The following MTR variants were observed in gnomAD, a reference collection of about 807,000 sequenced individuals.
MTR encodes the protein methionine synthase.
A neutral mutation model predicts 154.8 loss-of-function variants in MTR; 84 were observed. The observed-to-expected ratio is 0.54, with a 90% CI of 0.45 to 0.65. The LOEUF (loss-of-function observed/expected upper bound fraction) is 0.65, where lower values mean the gene tolerates loss of function less well. Among genes scored for constraint, MTR ranks in the 30% least tolerant of loss-of-function variants. The pLI, the probability that MTR is intolerant of heterozygous loss-of-function variation, is 0.00. For synonymous variants in MTR, 554 were observed against 553.9 expected (o/e 1.00, Z 0.00); for missense variants, 1,275 against 1,570.2 (o/e 0.81, Z 3.18).
chr1:236,803,677 C>G, intron 2 of MTR, 35 bp downstream of exon 2: 1 of 1,588,310 alleles, frequency 6.3e-7, no homozygotes, highest in Non-Finnish European at 8.6e-7. Context: ...TGTATTCATT[C>G]TGTTATTCTG....
At chr1:236,889,139 G>A (rs1375434165) in intron 27 of MTR, 42 bp from the exon 28 acceptor site, 1 of 1,612,820 alleles carries the variant, frequency 6.2e-7, no homozygotes. Flanking sequence ...CATCAGGCAG[G>A]GTGCCAGCGT....
chr1:236,815,866 A>G (rs1215778510), intron 7 of MTR, among the ~76,000 whole-genome samples: 4 of 152,168 alleles, frequency 2.6e-5, no homozygotes, highest in African/African-American at 9.7e-5. Flanking sequence ...TGAATCTAGA[A>G]GTAGCTGATG....
chr1:236,798,057 A>G lies in MTR; in HGVS notation c.34+2320A>G, dbSNP rs75512984. On this transcript the variant is annotated intron_variant, in intron 1 of 32. Transcript: ENST00000366577. The stretch of plus-strand genomic sequence containing the variant: ...AGATCCAAAAATGAAAGAGAGAAGT[A>G]TCTTGCAAGTGACTTGTAGGGCAGT... Among the ~76,000 whole-genome samples, 415 of 152,012 alleles carry G rather than the reference A, an allele frequency of 2.7e-3. 2 individuals are homozygous for G. The highest frequency in any genetic ancestry group is 4.4e-3 in the Non-Finnish European group (296 of 67,900).
At position 236,795,343 on chromosome 1, in the gene MTR, G is replaced by C. The variant is rs771674871; in HGVS notation, c.-361G>C. 2.2e-5 allele frequency: 29 copies of C among 1,322,420 alleles called. No homozygotes were observed. The highest frequency in any genetic ancestry group is 4.4e-5 in the East Asian group (1 of 22,772). The allele number at this position is 1,322,420 out of a possible 1,614,324, so 81.9% of individuals were successfully genotyped here. On this transcript the variant is annotated 5_prime_UTR_variant, in exon 1 of 33. Transcript: ENST00000366577. ...TAAATGTCTGCGGGGCTCAGAGCCG[G>C]ATGTCACGTCGTCCTCCTCTGCCGG...
intron 18 of MTR, among the ~76,000 whole-genome samples, chr1:236,856,437 A>T (rs1301187582): frequency 6.7e-6 from 1 of 148,952 alleles, no homozygotes; most frequent in Non-Finnish European, 1.5e-5. Flanking sequence ...GTTCTCCCCA[A>T]TTCCTTCCTC....
chr1:236,892,053 C>T (rs963109093), intron 29 of MTR, among the ~76,000 whole-genome samples: 8 of 152,108 alleles, frequency 5.3e-5, no homozygotes, highest in Non-Finnish European at 1.0e-4. Context: ...TATGCATGTC[C>T]CTTTAGCTGC....
rs1660805365 is a variant in MTR, at chr1:236,803,507, G to T, written c.114G>T (p.Gly38=). The change falls in exon 2 of 33, where the codon GGG becomes GGT. Residue 38 remains glycine, a synonymous_variant. Coordinates refer to ENST00000366577, the MANE Select transcript of MTR (RefSeq NM_000254.3). ...TTATGGTGCTGGATGGAGGGATGGG[G>T]ACCATGATCCAGCGGGAGAAGCTAA... ...KRIMVLDGGM[G]TMIQREKLNE... 6.2e-7 allele frequency: 1 copy of T among 1,614,174 alleles called. No individual in the cohort carries two copies. The highest frequency in any genetic ancestry group is 8.5e-7 in the Non-Finnish European group (1 of 1,180,012).
intron 1 of MTR, among the ~76,000 whole-genome samples, chr1:236,802,768 G>A (rs777774625): frequency 2.0e-5 from 3 of 152,172 alleles, no homozygotes; most frequent in Non-Finnish European, 4.4e-5. Context: ...AACGTTGCAA[G>A]TTTTCAGTGA....
At chr1:236,816,036 C>T (rs1661574414) in intron 7 of MTR, among the ~76,000 whole-genome samples, 1 of 152,176 alleles carries the variant, frequency 6.6e-6, no homozygotes, top group Non-Finnish European at 1.5e-5. Flanking sequence ...ACTCAGTAGG[C>T]AGACCTCTCT....
chr1:236,806,156 G>T lies in MTR; in HGVS notation c.262G>T (p.Ala88Ser). 2 of 1,614,024 alleles carry T rather than the reference G, an allele frequency of 1.2e-6. No individual in the cohort carries two copies. Among genetic ancestry groups the T allele is most frequent in the South Asian group, 1.1e-5 (1 of 91,072 alleles). Residue 88 changes from alanine (A) to serine (S), a missense_variant, in exon 3 of 33, where the codon GCT (alanine) becomes TCT (serine). By Grantham distance (99) the Ala-to-Ser change is moderately conservative. Coordinates refer to ENST00000366577, the MANE Select transcript of MTR (RefSeq NM_000254.3). The part of the protein sequence containing the change: ...IYQIHKEYLL[A>S]GADIIETNTF... The stretch of plus-strand genomic sequence containing the variant: ...TCTCTTGTTGCAGGAATACTTGCTG[G>T]CTGGGGCAGATATCATTGAAACAAA...
chr1:236,859,750 TTTTGTTTG>T, intron 18 of MTR, 75 bp from the exon 19 acceptor site: 15 of 1,090,078 alleles, frequency 1.4e-5, no homozygotes, highest in Non-Finnish European at 2.1e-5. Context: ...ACACAGGTTT[TTTTGTTTG>T]TTTGTTTGTT....
chr1:236,805,988 C>T (rs1490793672), intron 2 of MTR, among the ~76,000 whole-genome samples, 156 bp from the exon 3 acceptor site: 1 of 152,174 alleles, frequency 6.6e-6, no homozygotes, highest in East Asian at 1.9e-4. Context: ...GAAATCCTTA[C>T]ACCTTTTTGC....
chr1:236,848,464 T>C (rs1486813553), intron 15 of MTR, among the ~76,000 whole-genome samples: 1 of 152,190 alleles, frequency 6.6e-6, no homozygotes, highest in Non-Finnish European at 1.5e-5. Context: ...TCTATTGGGC[T>C]GTCTGGTGAA....
intron 4 of MTR, 47 bp from the exon 5 acceptor site, chr1:236,810,456 A>G: frequency 1.2e-5 from 18 of 1,486,290 alleles, no homozygotes; most frequent in Non-Finnish European, 1.7e-5. Context: ...ACGACAAAAA[A>G]TGTTCAGCCA....
intron 22 of MTR, among the ~76,000 whole-genome samples, chr1:236,872,023 TATTTA>T (rs1373528289): frequency 1.3e-5 from 2 of 152,216 alleles, no homozygotes; most frequent in African/African-American, 4.8e-5. Flanking sequence ...CGTTTTTGCC[TATTTA>T]ATTTTAAGAA....
intron 8 of MTR, among the ~76,000 whole-genome samples, chr1:236,818,349 G>T (rs1040378735): frequency 1.3e-5 from 2 of 152,144 alleles, no homozygotes; most frequent in African/African-American, 4.8e-5. Flanking sequence ...TAAAACCTCT[G>T]TGTTGTCCTG....
At chr1:236,880,584 C>T (rs569624671) in intron 24 of MTR, among the ~76,000 whole-genome samples, 171 bp from the exon 25 acceptor site, 246 of 152,268 alleles carry the variant, frequency 1.6e-3, no homozygotes, top group Non-Finnish European at 3.0e-3. Flanking sequence ...GGGAAAAAGT[C>T]ATTCATGTTT....
intron 22 of MTR, among the ~76,000 whole-genome samples, chr1:236,871,275 T>C (rs1665113129): frequency 6.6e-6 from 1 of 152,070 alleles, no homozygotes; most frequent in African/African-American, 2.4e-5. Context: ...GTGATTCTGA[T>C]GCGAAGTCTA....
chr1:236,804,515 C>A (rs1182367366), intron 2 of MTR, among the ~76,000 whole-genome samples: 1 of 152,146 alleles, frequency 6.6e-6, no homozygotes, highest in Non-Finnish European at 1.5e-5. Flanking sequence ...GCATTTTTTA[C>A]TTATATACCA....
Sources: allele counts gnomAD v4.1 joint callset (sites outside exome capture counted in the v4.1 genomes callset), GRCh38; gene constraint gnomAD v4.1.1; transcripts MANE v1.5; gene names NCBI Gene and HGNC (gene_info 2026-07-23, HGNC 2026-07-21).